The following ZFHX3 variants were observed in gnomAD, a reference collection of about 807,000 sequenced individuals.
The protein encoded by ZFHX3 is zinc finger homeobox 3.
Under a neutral mutation model 279.1 loss-of-function variants are expected in ZFHX3, and 42 were observed. That is an observed-to-expected ratio of 0.15 (90% CI 0.12 to 0.19). The LOEUF (loss-of-function observed/expected upper bound fraction) is 0.19. Among genes scored for constraint, ZFHX3 ranks in the 10% least tolerant of loss-of-function variants. The pLI, the probability that ZFHX3 is intolerant of heterozygous loss-of-function variation, is 1.00. For missense variants in ZFHX3, 4,981 were observed against 4,754.0 expected (o/e 1.05, Z -1.40); for synonymous variants, 2,293 against 1,957.8 (o/e 1.17, Z -4.52).
intron 3 of ZFHX3, among the ~76,000 whole-genome samples, chr16:72,946,433 G>A (rs1960680413): frequency 6.6e-6 from 1 of 152,168 alleles, no homozygotes; most frequent in Non-Finnish European, 1.5e-5. Flanking sequence ...AACAGATTCT[G>A]GTAGGGTCTT....
intron 1 of ZFHX3, among the ~76,000 whole-genome samples, chr16:73,844,171 A>G (rs1431706032): frequency 6.6e-6 from 1 of 152,182 alleles, no homozygotes; most frequent in African/African-American, 2.4e-5. Context: ...AGGAGTGGCA[A>G]CCACATGAAA....
intron 3 of ZFHX3, among the ~76,000 whole-genome samples, chr16:73,454,593 A>G (rs1247686184): frequency 7.0e-6 from 1 of 143,638 alleles, no homozygotes; most frequent in Non-Finnish European, 1.5e-5. Context: ...AAAAAAAGCC[A>G]TTTACACAGA....
intron 1 of ZFHX3, among the ~76,000 whole-genome samples, chr16:72,989,517 C>T (rs1225711348): frequency 6.6e-6 from 1 of 151,970 alleles, no homozygotes; most frequent in African/African-American, 2.4e-5. Context: ...TCAAACTCCA[C>T]CAGCCAATGC....
chr16:73,460,789 C>T lies in ZFHX3; in HGVS notation c.-1546-4531G>A, dbSNP rs538608629. Among the ~76,000 whole-genome samples the T allele has an allele frequency of 2.5e-3, 378 of 152,250 alleles. 1 individual carries two copies. The highest frequency in any genetic ancestry group is 8.8e-3 in the African/African-American group (367 of 41,560). On this transcript the variant is annotated intron_variant, in intron 2 of 17. Coordinates refer to the ZFHX3 transcript ENST00000641206. ...TGCTGTCCTCACAACAGTGAGTTCT[C>T]GTGAGATCTGGCCATTTAAAAGTGA...
intron 1 of ZFHX3, among the ~76,000 whole-genome samples, chr16:73,785,532 T>C (rs1012637807): frequency 1.3e-5 from 2 of 152,210 alleles, no homozygotes; most frequent in Non-Finnish European, 2.9e-5. Flanking sequence ...ATCCTGAGAA[T>C]TCCATTTGCC....
Position 72,795,327 on chromosome 16 carries a change from G to GGCTTTGGTTGTCCTT in ZFHX3, c.7340_7354dup (p.Gln2447_Lys2451dup). ...GGGCTGCTCTTGCTGCTGCAGCTCTGGCTTTGGTTGTCCTTGCTTTTCTTG... is the reference window on the plus strand; with the variant it reads ...GGGCTGCTCTTGCTGCTGCAGCTCTGGCTTTGGTTGTCCTTGCTTTGGTTGTCCTTGCTTTTCTTG... On this transcript the variant is annotated inframe_insertion, in exon 9 of 10. Transcript: ENST00000268489. 6.2e-7 allele frequency: 1 copy of GGCTTTGGTTGTCCTT among 1,614,076 alleles called. No homozygotes were observed. Among genetic ancestry groups the GGCTTTGGTTGTCCTT allele is most frequent in the Non-Finnish European group, 8.5e-7 (1 of 1,180,030 alleles).
chr16:72,871,945 C>T (rs960356086), intron 4 of ZFHX3, among the ~76,000 whole-genome samples: 9 of 152,060 alleles, frequency 5.9e-5, no homozygotes, highest in South Asian at 4.2e-4. Context: ...ATTAGCCAGG[C>T]GTGCTGGTGG....
intron 1 of ZFHX3, among the ~76,000 whole-genome samples, chr16:73,716,954 C>T (rs1324771655): frequency 6.6e-6 from 1 of 151,518 alleles, no homozygotes; most frequent in Non-Finnish European, 1.5e-5. Flanking sequence ...GTAAGGGAAG[C>T]GATGAAAATA....
At position 72,969,087 on chromosome 16, in the gene ZFHX3, TAAAA is replaced by T. The variant is rs1961983957; in HGVS notation, c.-49-8897_-49-8894del. On this transcript the variant is annotated intron_variant, in intron 1 of 9. Transcript: ENST00000268489. ...AACTTCCCTGTACACTTGAAATTGT[TAAAA>T]GAAAAAGAAACTGTCCAGAGTAAAA... 2.0e-5 allele frequency among the ~76,000 whole-genome samples: 3 copies of T among 152,260 alleles called. No homozygotes were observed. In the South Asian group the frequency reaches 6.2e-4, roughly 32 times the overall value.
intron 2 of ZFHX3, among the ~76,000 whole-genome samples, chr16:73,520,983 G>C (rs1007869712): frequency 2.6e-5 from 4 of 152,194 alleles, no homozygotes; most frequent in Non-Finnish European, 4.4e-5. Context: ...ACAAAACACG[G>C]TGTACAAAAT....
At chr16:73,510,575 A>G (rs980051782) in intron 2 of ZFHX3, among the ~76,000 whole-genome samples, 1 of 152,240 alleles carries the variant, frequency 6.6e-6, no homozygotes, top group African/African-American at 2.4e-5. Flanking sequence ...AAGTTAGGAA[A>G]ATTACGTAGG....
intron 3 of ZFHX3, among the ~76,000 whole-genome samples, chr16:73,321,626 A>G (rs760822003): frequency 7.2e-5 from 11 of 152,214 alleles, no homozygotes; most frequent in Non-Finnish European, 1.6e-4. Flanking sequence ...CCAGAATAGG[A>G]TGCAGCTTGG....
In ZFHX3 at chr16:72,788,618, GTGGCGGCTGGGCTGC is replaced by G; in HGVS notation, c.9643_9657del (p.Ala3215_Pro3219del). ...TGTTGCAGTGGGAGCTGTGGTGTGG[GTGGCGGCTGGGCTGC>G]TGGCGGCGGGGGAGGCTGCTGCACC... On this transcript the variant is annotated inframe_deletion, in exon 10 of 10. Coordinates refer to ENST00000268489, the MANE Select transcript of ZFHX3 (RefSeq NM_006885.4). 23 of 1,613,398 alleles carry G rather than the reference GTGGCGGCTGGGCTGC, an allele frequency of 1.4e-5. No homozygotes were observed. The highest frequency in any genetic ancestry group is 1.7e-5 in the Admixed American group (1 of 60,002).
At chr16:73,842,921 T>C (rs1961350520) in intron 1 of ZFHX3, among the ~76,000 whole-genome samples, 1 of 152,184 alleles carries the variant, frequency 6.6e-6, no homozygotes, top group Non-Finnish European at 1.5e-5. Flanking sequence ...CTAACACTTA[T>C]TTTTCTTTAA....
At chr16:73,142,814 A>G (rs974454447) in intron 6 of ZFHX3, among the ~76,000 whole-genome samples, 1 of 152,234 alleles carries the variant, frequency 6.6e-6, no homozygotes, top group African/African-American at 2.4e-5. Flanking sequence ...TAATATCCTT[A>G]TAGGTCAGAT....
intron 5 of ZFHX3, among the ~76,000 whole-genome samples, chr16:73,165,828 C>T (rs976540233): frequency 6.6e-6 from 1 of 152,138 alleles, no homozygotes; most frequent in Non-Finnish European, 1.5e-5. Flanking sequence ...GTAAGTGAAC[C>T]AGGCAATTCC....
At position 72,784,029 on chromosome 16, in the gene ZFHX3, A is replaced by T. The variant is rs1275292631; in HGVS notation, c.*3135T>A. ...TATTCTTACTTTTTTCAATGAACATATATGTGGGCGGTTTAGTTGCAGAGG... is the reference window on the plus strand; with the variant it reads ...TATTCTTACTTTTTTCAATGAACATTTATGTGGGCGGTTTAGTTGCAGAGG... On this transcript the variant is annotated 3_prime_UTR_variant, in exon 10 of 10. Transcript: ENST00000268489. The T allele has an allele frequency of 1.3e-5, 2 of 152,408 alleles. No homozygotes were observed. The highest frequency in any genetic ancestry group is 4.8e-5 in the African/African-American group (2 of 41,472). 9.4% of individuals were successfully genotyped at this position (152,408 alleles called of 1,614,324 possible). A position where few individuals can be genotyped will look rare whatever the true frequency, so the allele number is the denominator to read the frequency against.
intron 1 of ZFHX3, among the ~76,000 whole-genome samples, chr16:73,687,058 A>ATATG (rs2053095809): frequency 1.2e-5 from 1 of 84,290 alleles, no homozygotes; most frequent in African/African-American, 4.7e-5. Flanking sequence ...ATATATATAT[A>ATATG]TATATATTTG....
intron 4 of ZFHX3, among the ~76,000 whole-genome samples, chr16:73,276,103 A>G (rs2014293367): frequency 6.6e-6 from 1 of 151,008 alleles, no homozygotes; most frequent in Admixed American, 6.6e-5. Flanking sequence ...GAATTCTCTG[A>G]TCTAGTTGGT....
Sources: gnomAD v4.1 joint callset for allele counts (sites outside exome capture counted in the v4.1 genomes callset) on GRCh38, gnomAD v4.1.1 for gene constraint, MANE v1.5 for transcripts, NCBI Gene and HGNC (gene_info 2026-07-23, HGNC 2026-07-21) for gene names.